ABLIM3: variants seen among roughly 807,000 people sequenced by gnomAD.
The protein encoded by ABLIM3 is actin binding LIM protein family member 3.
Under a neutral mutation model 109.5 loss-of-function variants are expected in ABLIM3, and 61 were observed. The observed-to-expected ratio is 0.56, with a 90% CI of 0.45 to 0.69. The LOEUF is 0.69. ABLIM3 is among the 30% of genes least tolerant of loss of function. The probability of loss-of-function intolerance (pLI) is 0.00; values close to 1 mark genes in which losing one functional copy is unlikely to be tolerated. For missense variants in ABLIM3, 796 were observed against 889.5 expected, an observed-to-expected ratio of 0.89 and a Z score of 1.34; for synonymous variants, 300 against 324.8, an observed-to-expected ratio of 0.92 and a Z score of 0.82.
intron 2 of ABLIM3, among the ~76,000 whole-genome samples, chr5:149,162,690 T>C (rs1465959780): frequency 6.6e-6 from 1 of 152,262 alleles, no homozygotes; most frequent in Non-Finnish European, 1.5e-5. Flanking sequence ...AGTATCTAGA[T>C]TGGGAAGAAC....
chr5:149,186,469 C>G, intron 3 of ABLIM3, among the ~76,000 whole-genome samples: 1 of 151,964 alleles, frequency 6.6e-6, no homozygotes, highest in Non-Finnish European at 1.5e-5. Flanking sequence ...ATAATCCACC[C>G]TTTACATGGA....
Position 149,200,392 on chromosome 5 carries a change from G to C in ABLIM3, c.412G>C (p.Ala138Pro), listed in dbSNP as rs770209379. Residue 138 changes from alanine to proline, a missense_variant, in exon 5 of 24, where the codon GCC (alanine) becomes CCC (proline). By Grantham distance (27) the Ala-to-Pro change is conservative. Coordinates refer to ENST00000309868, the MANE Select transcript of ABLIM3 (RefSeq NM_014945.5). ...GTGCCAAACGTGCTCCCAGTCCATG[G>C]CCAGCAGTAAGCCCATCAAGATTCG... is the stretch of plus-strand genomic sequence containing the variant. ...CVCQTCSQSM[A>P]SSKPIKIRGP... 3.0e-5 allele frequency: 48 copies of C among 1,614,076 alleles called. No homozygotes were observed. Among genetic ancestry groups the C allele is most frequent in the Non-Finnish European group, 4.0e-5 (47 of 1,180,042 alleles).
chr5:149,208,117 G>A (rs1488508352), intron 6 of ABLIM3, among the ~76,000 whole-genome samples: 1 of 152,194 alleles, frequency 6.6e-6, no homozygotes, highest in Non-Finnish European at 1.5e-5. Flanking sequence ...GAAGAATTAT[G>A]ACACCAGGAA....
At chr5:149,203,816 C>G (rs745425193) in intron 5 of ABLIM3, among the ~76,000 whole-genome samples, 26 of 152,362 alleles carry the variant, frequency 1.7e-4, no homozygotes, top group Admixed American at 3.3e-4. Context: ...AAGCACCTCA[C>G]TAAGTGTTTT....
intron 3 of ABLIM3, among the ~76,000 whole-genome samples, chr5:149,191,686 A>G (rs375267170): frequency 1.5e-4 from 23 of 148,960 alleles, no homozygotes; most frequent in African/African-American, 5.6e-4. Context: ...TGTGAAAAAT[A>G]TAGCATAACT....
intron 5 of ABLIM3, among the ~76,000 whole-genome samples, chr5:149,203,309 C>A (rs886857340): frequency 7.8e-6 from 1 of 127,740 alleles, no homozygotes; most frequent in African/African-American, 3.1e-5. Context: ...ACCACTACCT[C>A]CATCACTACT....
chr5:149,171,141 A>G (rs971584196), intron 2 of ABLIM3, among the ~76,000 whole-genome samples: 1 of 152,208 alleles, frequency 6.6e-6, no homozygotes, highest in Admixed American at 6.5e-5. Flanking sequence ...TATTTGAAAC[A>G]TATAAATTGA....
intron 2 of ABLIM3, among the ~76,000 whole-genome samples, chr5:149,147,121 G>A (rs541280023): frequency 6.6e-6 from 1 of 151,744 alleles, no homozygotes; most frequent in African/African-American, 2.4e-5. Context: ...GTATGTGTGT[G>A]TGTGTGTGTG....
chr5:149,250,598 A>C (rs771539545), intron 20 of ABLIM3, 93 bp downstream of exon 20: 4 of 1,445,640 alleles, frequency 2.8e-6, no homozygotes, highest in Non-Finnish European at 3.8e-6. Flanking sequence ...ACCTGAGCAA[A>C]GGTCCTGGGG....
chr5:149,151,795 C>T (rs1753458236), intron 2 of ABLIM3, among the ~76,000 whole-genome samples: 1 of 152,232 alleles, frequency 6.6e-6, no homozygotes, highest in Admixed American at 6.5e-5. Context: ...CATTCGTTTC[C>T]AATCTTCCTA....
chr5:149,183,673 C>A, intron 3 of ABLIM3, 84 bp downstream of exon 3: 4 of 1,380,212 alleles, frequency 2.9e-6, no homozygotes, highest in Non-Finnish European at 3.8e-6. Flanking sequence ...GCAGAAAGAA[C>A]AAACACAGGT....
Position 149,245,006 on chromosome 5 carries a change from T to A in ABLIM3, c.1477T>A (p.Ser493Thr). The A allele has an allele frequency of 1.2e-6, 2 of 1,613,980 alleles. No individual in the cohort carries two copies. Among genetic ancestry groups the A allele is most frequent in the Non-Finnish European group, 1.7e-6 (2 of 1,179,998 alleles). ...SESEYWTYHG[S>T]PKVPRARRFS... is the part of the protein sequence containing the mutation. Reference sequence around the variant, plus strand: ...GTCTGAGTACTGGACCTACCATGGGTCCCCCAAAGGTAGTACCCCCATAGG... The same window carrying A: ...GTCTGAGTACTGGACCTACCATGGGACCCCCAAAGGTAGTACCCCCATAGG... Residue 493 changes from serine to threonine, a missense_variant, in exon 16 of 24, where the codon TCC (serine) becomes ACC (threonine). Transcript: ENST00000309868.
At chr5:149,155,230 C>T (rs1021528474) in intron 2 of ABLIM3, among the ~76,000 whole-genome samples, 27 of 152,106 alleles carry the variant, frequency 1.8e-4, no homozygotes, top group Admixed American at 6.5e-5. Context: ...ATGGAGATCT[C>T]CAGGGGAAAC....
At chr5:149,212,770 A>G (rs1216910467) in intron 7 of ABLIM3, among the ~76,000 whole-genome samples, 3 of 152,184 alleles carry the variant, frequency 2.0e-5, no homozygotes, top group Non-Finnish European at 2.9e-5. Context: ...AAACATGGCG[A>G]GTACCATTTA....
chr5:149,252,263 TG>T (rs1754003409), intron 22 of ABLIM3, 55 bp downstream of exon 22: 5 of 1,597,464 alleles, frequency 3.1e-6, no homozygotes, highest in Non-Finnish European at 3.4e-6. Context: ...GCCGCTACAC[TG>T]GGGATCACCA....
At chr5:149,193,370 A>G (rs1195427508) in intron 3 of ABLIM3, among the ~76,000 whole-genome samples, 1 of 152,036 alleles carries the variant, frequency 6.6e-6, no homozygotes, top group African/African-American at 2.4e-5. Flanking sequence ...CCTGAACAAG[A>G]AAAAAAGTTT....
intron 8 of ABLIM3, among the ~76,000 whole-genome samples, chr5:149,227,205 A>G (rs768806629): frequency 6.6e-6 from 1 of 152,220 alleles, no homozygotes; most frequent in Non-Finnish European, 1.5e-5. Flanking sequence ...CAGAGAGATA[A>G]GACTGACTGC....
At chr5:149,210,666 C>A in intron 6 of ABLIM3, 60 bp from the exon 7 acceptor site, 1 of 1,445,982 alleles carries the variant, frequency 6.9e-7, no homozygotes, top group Non-Finnish European at 9.7e-7. Context: ...ATCTAAATGC[C>A]ATGTGCACCC....
chr5:149,205,573 G>A (rs1159175641), intron 5 of ABLIM3, among the ~76,000 whole-genome samples: 1 of 152,110 alleles, frequency 6.6e-6, no homozygotes, highest in Non-Finnish European at 1.5e-5. Context: ...AGAGAAGGGG[G>A]TACCTGACCT....
Sources: gnomAD v4.1 joint callset for allele counts (sites outside exome capture counted in the v4.1 genomes callset) on GRCh38, gnomAD v4.1.1 for gene constraint, MANE v1.5 for transcripts, NCBI Gene and HGNC (gene_info 2026-07-23, HGNC 2026-07-21) for gene names.